Variants in ERBB4 observed in about 807,000 individuals in gnomAD.
ERBB4 encodes erb-b2 receptor tyrosine kinase 4.
ERBB4 carries 42 observed loss-of-function variants against 158.0 expected under a neutral mutation model. The ratio of observed to expected loss-of-function variants is 0.27; its 90% confidence interval spans 0.21 to 0.34. ERBB4 has a LOEUF of 0.34. Among genes scored for constraint, ERBB4 ranks in the 10% least tolerant of loss-of-function variants. The pLI is 1.00. For synonymous variants in ERBB4, 583 were observed against 558.7 expected (o/e 1.04, Z -0.61); for missense variants, 1,333 against 1,624.1 (o/e 0.82, Z 3.08).
At chr2:212,189,217 A>G (rs2082118900) in intron 1 of ERBB4, among the ~76,000 whole-genome samples, 1 of 152,162 alleles carries the variant, frequency 6.6e-6, no homozygotes, top group African/African-American at 2.4e-5. Context: ...TGAATTTTGC[A>G]GCATTTCAGA....
At chr2:211,962,100 G>A (rs1575441284) in intron 2 of ERBB4, among the ~76,000 whole-genome samples, 1 of 152,044 alleles carries the variant, frequency 6.6e-6, no homozygotes, top group Non-Finnish European at 1.5e-5. Context: ...AAAGGAGTAT[G>A]CCTTTTCCAA....
At chr2:211,571,004 A>G (rs2067708029) in intron 19 of ERBB4, among the ~76,000 whole-genome samples, 1 of 139,360 alleles carries the variant, frequency 7.2e-6, no homozygotes, top group African/African-American at 2.7e-5. Context: ...ACTTTATCCT[A>G]CCTGTCCTGA....
chr2:212,286,594 CTTTTTTT>C (rs71054190), intron 1 of ERBB4, among the ~76,000 whole-genome samples: 12 of 55,542 alleles, frequency 2.2e-4, no homozygotes, highest in African/African-American at 4.6e-4. Flanking sequence ...TAAGTGCTGA[CTTTTTTT>C]TTTTTTTTTT....
At chr2:211,782,724 T>G (rs904410206) in intron 4 of ERBB4, among the ~76,000 whole-genome samples, 1 of 152,160 alleles carries the variant, frequency 6.6e-6, no homozygotes, top group Admixed American at 6.5e-5. Flanking sequence ...TCTGTTCCAT[T>G]GGTCTATATC....
At chr2:212,015,220 C>A (rs1018245745) in intron 2 of ERBB4, among the ~76,000 whole-genome samples, 1 of 147,750 alleles carries the variant, frequency 6.8e-6, no homozygotes, top group Non-Finnish European at 1.5e-5. Flanking sequence ...GAGCCAAGAT[C>A]GCGCCACTGC....
At chr2:212,446,587 ATATG>A (rs1263837070) in intron 1 of ERBB4, among the ~76,000 whole-genome samples, 395 of 20,818 alleles carry the variant, frequency 0.019, 89 homozygotes, top group African/African-American at 0.11. Flanking sequence ...CCATATATAT[ATATG>A]TATATATATA....
chr2:212,053,335 T>C (rs2077455605), intron 2 of ERBB4, among the ~76,000 whole-genome samples: 1 of 152,206 alleles, frequency 6.6e-6, no homozygotes, highest in Non-Finnish European at 1.5e-5. Context: ...AAATTACCCC[T>C]GGACTGGGCC....
Position 211,665,422 on chromosome 2 carries a change from T to C in ERBB4, c.1772A>G (p.Glu591Gly), listed in dbSNP as rs1287533544. 3 of 1,613,950 alleles carry C rather than the reference T, an allele frequency of 1.9e-6. No individual in the cohort carries two copies. The highest frequency in any genetic ancestry group is 1.7e-6 in the Non-Finnish European group (2 of 1,179,994). ...SHFKDGPNCV[E>G]KCPDGLQGAN... ...CCCCTGTAAGCCATCTGGACATTTT[T>C]CCACACAGTTTGGGCCATCTTTAAA... Residue 591 changes from glutamate (E) to glycine (G), a missense_variant, in exon 15 of 28, where the codon GAA becomes GGA. This residue lies in a region of ERBB4 where 245 missense variants were observed against 247.5 expected (regional missense o/e 0.99). Coordinates refer to ENST00000342788, the MANE Select transcript of ERBB4 (RefSeq NM_005235.3).
At chr2:212,173,300 G>A (rs186830131) in intron 1 of ERBB4, among the ~76,000 whole-genome samples, 217 of 152,142 alleles carry the variant, frequency 1.4e-3, no homozygotes, top group Middle Eastern at 6.8e-3. Context: ...TGTTAGATAA[G>A]GTATACAGGT....
At chr2:211,969,839 C>A (rs1007254442) in intron 2 of ERBB4, among the ~76,000 whole-genome samples, 2 of 151,842 alleles carry the variant, frequency 1.3e-5, no homozygotes, top group African/African-American at 4.8e-5. Flanking sequence ...TTCAAAAAAA[C>A]AGCTCCTGGA....
intron 20 of ERBB4, among the ~76,000 whole-genome samples, chr2:211,446,909 A>G (rs2064125204): frequency 1.3e-5 from 2 of 152,140 alleles, no homozygotes; most frequent in South Asian, 4.1e-4. Flanking sequence ...TTTATCTATC[A>G]TATATTTTTG....
chr2:211,578,806 A>G (rs2067969262), intron 19 of ERBB4, among the ~76,000 whole-genome samples: 2 of 152,212 alleles, frequency 1.3e-5, no homozygotes, highest in Admixed American at 6.5e-5. Context: ...AACTACCTCA[A>G]GATGGATTAA....
rs56887696 is a variant in ERBB4, at chr2:211,719,868, G to GA, written c.883+2524dup. ...AGATTCTGTCTCAAAACAAAGAAAA[G>GA]AAAAAAAAAAAAAAAAAGGAAAGTG... On this transcript the variant is annotated intron_variant, in intron 7 of 27. Coordinates refer to ENST00000342788, the MANE Select transcript of ERBB4 (RefSeq NM_005235.3). Among the ~76,000 whole-genome samples, 336 of 76,742 alleles carry GA rather than the reference G, an allele frequency of 4.4e-3. 1 individual carries two copies. The highest frequency in any genetic ancestry group is 6.6e-3 in the Admixed American group (45 of 6,830). 50.3% of individuals were successfully genotyped at this position (76,742 alleles called of 152,430 possible). A position where few individuals can be genotyped will look rare whatever the true frequency, so the allele number is the denominator to read the frequency against.
At chr2:211,468,458 G>A (rs1185196201) in intron 20 of ERBB4, among the ~76,000 whole-genome samples, 9 of 152,160 alleles carry the variant, frequency 5.9e-5, no homozygotes, top group Non-Finnish European at 1.0e-4. Flanking sequence ...TTCAAAGGAT[G>A]AGGGCTGTTT....
At chr2:212,365,397 G>C (rs923016604) in intron 1 of ERBB4, among the ~76,000 whole-genome samples, 3 of 151,576 alleles carry the variant, frequency 2.0e-5, no homozygotes, top group Non-Finnish European at 4.4e-5. Context: ...TATGAAGCAA[G>C]TAAAGAAAAT....
At chr2:212,170,425 C>G (rs997255441) in intron 1 of ERBB4, among the ~76,000 whole-genome samples, 6 of 152,144 alleles carry the variant, frequency 3.9e-5, no homozygotes, top group African/African-American at 1.4e-4. Context: ...AAGAGAAACC[C>G]ATTTTCTGGG....
chr2:211,580,835 G>T (rs75360410), intron 19 of ERBB4, among the ~76,000 whole-genome samples: 3,227 of 67,104 alleles, frequency 0.048, 504 homozygotes, highest in African/African-American at 0.059. Context: ...TATATATATA[G>T]ATTATATATT....
intron 2 of ERBB4, among the ~76,000 whole-genome samples, chr2:212,064,818 A>T (rs1196896199): frequency 2.0e-5 from 3 of 152,106 alleles, no homozygotes; most frequent in Non-Finnish European, 4.4e-5. Context: ...AGGTATTGAG[A>T]CCAGAACAAG....
chr2:211,477,684 AAGG>A (rs1366386416), intron 20 of ERBB4, among the ~76,000 whole-genome samples: 3 of 151,958 alleles, frequency 2.0e-5, no homozygotes, highest in African/African-American at 7.3e-5. Flanking sequence ...GAAACTAGAG[AAGG>A]AGGATAATAG....
Sources: allele counts gnomAD v4.1 joint callset (sites outside exome capture counted in the v4.1 genomes callset), GRCh38; gene constraint gnomAD v4.1.1; regional missense constraint gnomAD v4.1.1; transcripts MANE v1.5; gene names NCBI Gene and HGNC (gene_info 2026-07-23, HGNC 2026-07-21).